The following SERPING1 variants were observed in gnomAD, a reference collection of about 807,000 sequenced individuals.
The protein encoded by SERPING1 is plasma protease C1 inhibitor.
SERPING1 carries 5 observed loss-of-function variants against 34.1 expected under a neutral mutation model. That is an observed-to-expected ratio of 0.15 (90% CI 0.08 to 0.31). SERPING1 has a LOEUF of 0.31. Ranked by LOEUF, SERPING1 falls within the 10% of genes least tolerant of loss-of-function variation. SERPING1 has a pLI of 1.00. For synonymous variants in SERPING1, 225 were observed against 242.4 expected (o/e 0.93, Z 0.67); for missense variants, 505 against 609.5 (o/e 0.83, Z 1.81).
intron 3 of SERPING1, among the ~76,000 whole-genome samples, chr11:57,600,770 G>A (rs571160906): frequency 3.9e-5 from 6 of 152,120 alleles, no homozygotes; most frequent in Non-Finnish European, 8.8e-5. Flanking sequence ...GGCCAACATG[G>A]TGAAACCCTG....
Position 57,598,324 on chromosome 11 carries a change from A to T in SERPING1, c.51+3A>T. Reference sequence around the variant, plus strand: ...TCCTGCTGCTGCTGCTGGCTGGGGTATGTGGTCCCTTGTGGGATGGGGGAC... The same window carrying T: ...TCCTGCTGCTGCTGCTGGCTGGGGTTTGTGGTCCCTTGTGGGATGGGGGAC... On this transcript the variant is annotated splice_donor_region_variant and intron_variant, in intron 2 of 7. Coordinates refer to ENST00000278407, the MANE Select transcript of SERPING1 (RefSeq NM_000062.3). 6.4e-7 allele frequency: 1 copy of T among 1,557,278 alleles called. No individual in the cohort carries two copies.
At chr11:57,605,157 C>T (rs894533168) in intron 4 of SERPING1, among the ~76,000 whole-genome samples, 10 of 152,088 alleles carry the variant, frequency 6.6e-5, no homozygotes, top group African/African-American at 1.7e-4. Flanking sequence ...CAGCTTTATC[C>T]GCTGTCTTGC....
intron 4 of SERPING1, among the ~76,000 whole-genome samples, chr11:57,604,801 G>C (rs1945390477): frequency 6.6e-6 from 1 of 151,502 alleles, no homozygotes; most frequent in Non-Finnish European, 1.5e-5. Flanking sequence ...CTAGAATTTC[G>C]AGACTAGCCT....
In SERPING1 at chr11:57,598,238, T is replaced by C. The variant is rs762519399; in HGVS notation, c.-22-11T>C. ...GGTGGGAGCTGGCTCCGAGGCTGGC[T>C]GGCTCCGCAGGTCCGCTGACGTCGC... On this transcript the variant is annotated splice_polypyrimidine_tract_variant and intron_variant, in intron 1 of 7. Coordinates refer to ENST00000278407, the MANE Select transcript of SERPING1 (RefSeq NM_000062.3). 1.9e-6 allele frequency: 3 copies of C among 1,541,258 alleles called. No homozygotes were observed. Among genetic ancestry groups the C allele is most frequent in the Non-Finnish European group, 2.6e-6 (3 of 1,140,292 alleles).
At chr11:57,606,855 A>G (rs1296132800) in intron 6 of SERPING1, 7 of 611,266 alleles carry the variant, frequency 1.1e-5, no homozygotes, top group Non-Finnish European at 2.1e-5. Context: ...ACTCATCAGA[A>G]GACTCTGGTG....
intron 6 of SERPING1, 31 bp downstream of exon 6, chr11:57,606,578 G>GA: frequency 6.2e-7 from 1 of 1,613,220 alleles, no homozygotes; most frequent in East Asian, 2.2e-5. Context: ...TCTCCTGTTT[G>GA]AAACCTACTT....
chr11:57,606,050 C>T lies in SERPING1; in HGVS notation c.726C>T (p.Thr242=), dbSNP rs1365349784. 6.2e-7 allele frequency: 1 copy of T among 1,614,144 alleles called. No homozygotes were observed. The highest frequency in any genetic ancestry group is 1.1e-5 in the South Asian group (1 of 91,070). The change falls in exon 5 of 8, where the codon ACC becomes ACT. Residue 242 remains threonine (T), a synonymous_variant. Coordinates refer to ENST00000278407, the MANE Select transcript of SERPING1 (RefSeq NM_000062.3). ...ACACCTTTGTGAATGCCTCTCGGAC[C>T]CTGTACAGCAGCAGCCCCAGAGTCC... is the stretch of plus-strand genomic sequence containing the variant. ...IRDTFVNASR[T]LYSSSPRVLS... is the part of the protein sequence containing the mutation.
intron 4 of SERPING1, among the ~76,000 whole-genome samples, chr11:57,605,302 C>CT (rs879509470): frequency 0.014 from 2,054 of 144,422 alleles, 41 homozygotes; most frequent in African/African-American, 0.042. Flanking sequence ...GGGAAAATAT[C>CT]TTTTTTTTTT....
chr11:57,610,043 G>C (rs565487815), intron 6 of SERPING1, among the ~76,000 whole-genome samples: 65 of 152,032 alleles, frequency 4.3e-4, no homozygotes, highest in Non-Finnish European at 7.6e-4. Flanking sequence ...AAATTTGAAG[G>C]GTGAATTAAC....
rs11546660 is a variant in SERPING1, at chr11:57,599,994, T to C, written c.167T>C (p.Val56Ala). 2,713 of 1,614,190 alleles carry C rather than the reference T, an allele frequency of 1.7e-3. 58 individuals are homozygous for C. The East Asian group carries it at 0.051, about 30-fold the overall frequency. ...ATTVISKMLF[V>A]EPILEVSSLP... is the part of the protein sequence containing the mutation. ...ACAGTTATCTCCAAGATGCTATTCG[T>C]TGAACCCATCCTGGAGGTTTCCAGC... Residue 56 changes from valine to alanine, a missense_variant, in exon 3 of 8, where the codon GTT (valine) becomes GCT (alanine). Physicochemically the swap from Val to Ala is moderately conservative, Grantham distance 64 (BLOSUM62 0). Transcript: ENST00000278407.
chr11:57,611,216 C>G (rs1190318556), intron 6 of SERPING1: 1 of 179,416 alleles, frequency 5.6e-6, no homozygotes, highest in South Asian at 1.3e-4. Flanking sequence ...CAGGTGTGAG[C>G]CACCGTGCAT....
At chr11:57,598,139 T>G (rs1945307816) in intron 1 of SERPING1, 110 bp from the exon 2 acceptor site, 1 of 762,152 alleles carries the variant, frequency 1.3e-6, no homozygotes, top group Admixed American at 2.9e-5. Context: ...AGGAGGGAAT[T>G]CGCTAAGAGG....
At position 57,600,085 on chromosome 11, in the gene SERPING1, C is replaced by T. The variant is rs1945330457; in HGVS notation, c.258C>T (p.Pro86=). The T allele has an allele frequency of 1.9e-6, 3 of 1,613,518 alleles. No homozygotes were observed. Among genetic ancestry groups the T allele is most frequent in the Admixed American group, 1.7e-5 (1 of 59,940 alleles). Residue 86 remains proline, a synonymous_variant, in exon 3 of 8, where the codon CCC becomes CCT. Coordinates refer to ENST00000278407, the MANE Select transcript of SERPING1 (RefSeq NM_000062.3). ...TAACAGCTAATACCACTGATGAACCCACCACACAACCCACCACAGAGCCCA... is the reference window on the plus strand; with the variant it reads ...TAACAGCTAATACCACTGATGAACCTACCACACAACCCACCACAGAGCCCA... ...TKITANTTDE[P]TTQPTTEPTT...
intron 7 of SERPING1, among the ~76,000 whole-genome samples, chr11:57,612,257 G>A (rs1469217344): frequency 1.3e-5 from 2 of 152,120 alleles, no homozygotes; most frequent in Admixed American, 6.6e-5. Flanking sequence ...GGAACAGTGG[G>A]ACAGGTAACC....
chr11:57,601,084 C>G (rs1945342712), intron 3 of SERPING1, among the ~76,000 whole-genome samples: 1 of 151,974 alleles, frequency 6.6e-6, no homozygotes, highest in African/African-American at 2.4e-5. Context: ...AGTGATGATG[C>G]TATCTACCTC....
chr11:57,603,296 C>T (rs1358416070), intron 4 of SERPING1, among the ~76,000 whole-genome samples: 1 of 151,042 alleles, frequency 6.6e-6, no homozygotes, highest in Non-Finnish European at 1.5e-5. Flanking sequence ...GTAATCGCAA[C>T]ACTTTGGCAG....
chr11:57,611,730 A>G lies in SERPING1; in HGVS notation c.1043A>G (p.Gln348Arg). 1 of 1,614,120 alleles carries G rather than the reference A, an allele frequency of 6.2e-7. No individual in the cohort carries two copies. The highest frequency in any genetic ancestry group is 8.5e-7 in the Non-Finnish European group (1 of 1,179,980). The change falls in exon 7 of 8, where the codon CAG (glutamine) becomes CGG (arginine). Residue 348 changes from glutamine (Q) to arginine (R), a missense_variant. Coordinates refer to ENST00000278407, the MANE Select transcript of SERPING1 (RefSeq NM_000062.3). ...QTLKAKVGQLQLSHNLSLVIL... is the reference protein window; with the variant it reads ...QTLKAKVGQLRLSHNLSLVIL... ...CTTATTTTCTAGGTGGGGCAGCTGC[A>G]GCTCTCCCACAATCTGAGTTTGGTG...
intron 7 of SERPING1, among the ~76,000 whole-genome samples, chr11:57,612,526 G>A (rs770342594): frequency 2.0e-5 from 3 of 149,656 alleles, no homozygotes; most frequent in Non-Finnish European, 3.0e-5. Context: ...CCATTCTCTC[G>A]CCTCAGCCTC....
chr11:57,601,990 C>T (rs763194149), intron 3 of SERPING1, 45 bp from the exon 4 acceptor site: 7 of 1,613,542 alleles, frequency 4.3e-6, no homozygotes, highest in Non-Finnish European at 8.5e-7. Context: ...AGGAAGGCCC[C>T]CGACTCATCC....
Sources: allele counts gnomAD v4.1 joint callset (sites outside exome capture counted in the v4.1 genomes callset), GRCh38; gene constraint gnomAD v4.1.1; transcripts MANE v1.5; gene names NCBI Gene and HGNC (gene_info 2026-07-23, HGNC 2026-07-21).